MED13L: variants seen among roughly 807,000 people sequenced by gnomAD.
MED13L encodes mediator of RNA polymerase II transcription subunit 13-like.
A neutral mutation model predicts 220.9 loss-of-function variants in MED13L; 7 were observed. The ratio of observed to expected loss-of-function variants is 0.03; its 90% CI spans 0.02 to 0.06. MED13L has a LOEUF of 0.06. MED13L is among the 10% of genes least tolerant of loss of function. The pLI, the probability that MED13L is intolerant of heterozygous loss-of-function variation, is 1.00. For missense variants in MED13L, 1,965 were observed against 2,760.5 expected, an observed-to-expected ratio of 0.71 and a Z score of 6.46; for synonymous variants, 1,011 against 1,015.2, an observed-to-expected ratio of 1.00 and a Z score of 0.08.
intron 4 of MED13L, among the ~76,000 whole-genome samples, chr12:116,080,229 C>T (rs1871135535): frequency 6.6e-6 from 1 of 152,134 alleles, no homozygotes. Context: ...TCTTTATATA[C>T]TTGGCAGGGT....
Position 115,975,080 on chromosome 12 carries a change from A to C in MED13L, c.5731+91T>G, listed in dbSNP as rs369279194. The stretch of plus-strand genomic sequence containing the variant: ...AATAGAATCTGTTTAATTCTTACAA[A>C]TTTAAACATTTTCTCCCTTAGCTCA... On this transcript the variant is annotated intron_variant, in intron 25 of 30. Transcript: ENST00000281928. 110 of 1,329,890 alleles carry C rather than the reference A, an allele frequency of 8.3e-5. No homozygotes were observed. In the East Asian group the frequency reaches 2.2e-3, roughly 27 times the overall value. 82.4% of individuals were successfully genotyped at this position (1,329,890 alleles called of 1,614,324 possible). A position where few individuals can be genotyped will look rare whatever the true frequency, so the allele number is the denominator to read the frequency against.
At chr12:115,968,212 C>A (rs1298376435) in intron 28 of MED13L, among the ~76,000 whole-genome samples, 1 of 152,114 alleles carries the variant, frequency 6.6e-6, no homozygotes, top group Non-Finnish European at 1.5e-5. Flanking sequence ...TTTAAATAAA[C>A]AGTACAATAC....
chr12:116,237,378 T>C, intron 2 of MED13L, 90 bp downstream of exon 2: 1 of 1,059,118 alleles, frequency 9.4e-7, no homozygotes, highest in East Asian at 2.5e-5. Context: ...GATCGTTCTT[T>C]TAGACAAGTC....
intron 2 of MED13L, among the ~76,000 whole-genome samples, chr12:116,157,623 T>C (rs962705058): frequency 6.6e-6 from 1 of 152,244 alleles, no homozygotes; most frequent in Non-Finnish European, 1.5e-5. Context: ...TACCTCTCCG[T>C]TTTACAGAAA....
chr12:116,160,939 T>C (rs1878810654), intron 2 of MED13L, among the ~76,000 whole-genome samples: 1 of 152,082 alleles, frequency 6.6e-6, no homozygotes, highest in East Asian at 1.9e-4. Flanking sequence ...CTTAATTTAT[T>C]TTATGCTGCT....
chr12:116,113,201 ATCATCC>A (rs1348649756), intron 2 of MED13L, among the ~76,000 whole-genome samples: 1 of 152,104 alleles, frequency 6.6e-6, no homozygotes, highest in Non-Finnish European at 1.5e-5. Context: ...TTCCTACATA[ATCATCC>A]TCTGTGCCAT....
intron 2 of MED13L, among the ~76,000 whole-genome samples, chr12:116,180,464 T>C (rs769897264): frequency 1.5e-4 from 23 of 152,332 alleles, no homozygotes; most frequent in Middle Eastern, 3.4e-3. Context: ...ATAAATTTCA[T>C]GTTTTGACTT....
chr12:116,128,209 C>T (rs567451001), intron 2 of MED13L, among the ~76,000 whole-genome samples: 1 of 152,280 alleles, frequency 6.6e-6, no homozygotes, highest in African/African-American at 2.4e-5. Flanking sequence ...TCCTTGTGTG[C>T]TTACTATACT....
chr12:116,215,769 C>T (rs935073597), intron 2 of MED13L, among the ~76,000 whole-genome samples: 1 of 152,084 alleles, frequency 6.6e-6, no homozygotes, highest in African/African-American at 2.4e-5. Context: ...ATACACAAAA[C>T]ACCAATTTAA....
chr12:116,183,803 G>GGTGTGTGTGTGTGTGTGT (rs66691805), intron 2 of MED13L, among the ~76,000 whole-genome samples: 11 of 110,162 alleles, frequency 1.0e-4, no homozygotes, highest in East Asian at 2.4e-4. Context: ...TAGAAAAAAT[G>GGTGTGTGTGTGTGTGTGT]GTGTGTGTGT....
rs556324946 is a variant in MED13L at position 115,984,115 on chromosome 12, A to C, written c.4531+65T>G. ...AATATAATGTTGCATCTATAAAAGA[A>C]GGGATGGGACGGATTTGCTATTTTA... On this transcript the variant is annotated intron_variant, in intron 20 of 30. Coordinates refer to ENST00000281928, the MANE Select transcript of MED13L (RefSeq NM_015335.5). 109 of 1,501,044 alleles carry C rather than the reference A, an allele frequency of 7.3e-5. No individual in the cohort carries two copies. In the South Asian group the frequency reaches 1.1e-3, roughly 15 times the overall value. 93.0% of individuals were successfully genotyped at this position (1,501,044 alleles called of 1,614,324 possible).
intron 4 of MED13L, among the ~76,000 whole-genome samples, chr12:116,090,818 C>T (rs1872135960): frequency 6.6e-6 from 1 of 152,040 alleles, no homozygotes; most frequent in African/African-American, 2.4e-5. Context: ...CTCAACCTCT[C>T]CAGTATATTA....
intron 2 of MED13L, among the ~76,000 whole-genome samples, chr12:116,114,961 G>C (rs1056836513): frequency 1.3e-5 from 2 of 151,986 alleles, no homozygotes; most frequent in Admixed American, 1.3e-4. Flanking sequence ...CCACAAAATA[G>C]AAAAATTCTT....
intron 2 of MED13L, among the ~76,000 whole-genome samples, chr12:116,160,014 C>T (rs1307790523): frequency 2.6e-5 from 4 of 152,154 alleles, no homozygotes; most frequent in African/African-American, 7.2e-5. Flanking sequence ...GAATCTGTTA[C>T]GCAGACCCTG....
chr12:116,013,761 G>A (rs1879560678), intron 8 of MED13L, among the ~76,000 whole-genome samples: 1 of 152,172 alleles, frequency 6.6e-6, no homozygotes, highest in African/African-American at 2.4e-5. Context: ...TTGGATTGCT[G>A]ATTTTGCTAC....
At chr12:116,060,860 A>T (rs974660301) in intron 4 of MED13L, among the ~76,000 whole-genome samples, 4 of 152,160 alleles carry the variant, frequency 2.6e-5, no homozygotes, top group African/African-American at 9.7e-5. Context: ...AAATTAATTC[A>T]CTAAAGATAA....
chr12:116,066,722 C>T (rs1385094471), intron 4 of MED13L, among the ~76,000 whole-genome samples: 1 of 151,528 alleles, frequency 6.6e-6, no homozygotes, highest in Non-Finnish European at 1.5e-5. Flanking sequence ...ATACAGAGGA[C>T]CCCTAACTTG....
rs1284149973 is a variant in MED13L at position 115,997,002 on chromosome 12, A to C, written c.2790+8T>G. 2 of 1,607,532 alleles carry C rather than the reference A, an allele frequency of 1.2e-6. No homozygotes were observed. ...CTGCCCTGGAAATGTTAATATATTGACAACTACCTTAATTTCCTCGGGCTT... is the reference window on the plus strand; with the variant it reads ...CTGCCCTGGAAATGTTAATATATTGCCAACTACCTTAATTTCCTCGGGCTT... On this transcript the variant is annotated splice_region_variant and intron_variant, in intron 15 of 30. Transcript: ENST00000281928.
rs989524262 is a variant in MED13L, at chr12:115,982,042, C to A, written c.5175+342G>T. On this transcript the variant is annotated intron_variant, in intron 22 of 30. Transcript: ENST00000281928. The stretch of plus-strand genomic sequence containing the variant: ...ACAAGTGGAAAATTCCGTTATCAGA[C>A]CTCATGTGATGTATTGCAGTCAAAA... The A allele has an allele frequency of 3.7e-5, 9 of 246,494 alleles. No individual in the cohort carries two copies. In the Admixed American group the frequency reaches 4.6e-4, roughly 13 times the overall value. The allele number at this position is 246,494 out of a possible 1,614,324, so 15.3% of individuals were successfully genotyped here. A position where few individuals can be genotyped will look rare whatever the true frequency, so the allele number is the denominator to read the frequency against.
Sources: gnomAD v4.1 joint callset for allele counts (sites outside exome capture counted in the v4.1 genomes callset) on GRCh38, gnomAD v4.1.1 for gene constraint, MANE v1.5 for transcripts, NCBI Gene and HGNC (gene_info 2026-07-23, HGNC 2026-07-21) for gene names.